TRANK1: variants seen among roughly 807,000 people sequenced by gnomAD.
TRANK1 encodes TPR and ankyrin repeat-containing protein 1.
In TRANK1, 198 loss-of-function variants were observed where a neutral mutation model predicts 266.0. The observed-to-expected ratio is 0.74, with a 90% confidence interval of 0.66 to 0.84. TRANK1 has a LOEUF of 0.84. Ranked by LOEUF, TRANK1 falls within the 40% of genes least tolerant of loss-of-function variation. The probability of loss-of-function intolerance (pLI) is 0.00; values close to 1 mark genes in which losing one functional copy is unlikely to be tolerated. For missense variants in TRANK1, 3,326 were observed against 3,634.6 expected (o/e 0.92, Z 2.18); for synonymous variants, 1,396 against 1,384.1 (o/e 1.01, Z -0.19).
Position 36,923,497 on chromosome 3 carries a change from C to T in TRANK1, c.24-15043G>A, listed in dbSNP as rs188617481. On this transcript the variant is annotated intron_variant, in intron 1 of 23. Transcript: ENST00000645898. The stretch of plus-strand genomic sequence containing the variant: ...TCTCGATCTCCTGACCTCAGGTGAT[C>T]CACCTGCCTCGGCATCCCAAAGTGC... Among the ~76,000 whole-genome samples, 21 of 152,238 alleles carry T rather than the reference C, an allele frequency of 1.4e-4. No homozygotes were observed. In the East Asian group the frequency reaches 4.1e-3, roughly 29 times the overall value.
Position 36,830,914 on chromosome 3 carries a change from TCCGAAAC to T in TRANK1, c.8662_8668del (p.Val2888IlefsTer19). 5.0e-6 allele frequency: 8 copies of T among 1,613,314 alleles called. No individual in the cohort carries two copies. Among genetic ancestry groups the T allele is most frequent in the Non-Finnish European group, 6.8e-6 (8 of 1,179,430 alleles). On this transcript the variant is annotated frameshift_variant, in exon 22 of 24. Coordinates refer to ENST00000645898, the MANE Select transcript of TRANK1 (RefSeq NM_001329998.2). LOFTEE classifies it high-confidence loss of function. ...CCGCCTGTAGAGGTCCTCCACCATATCCGAAACCCTCTTGATGTGCTCCTGGACCTTC... is the reference window on the plus strand; with the variant it reads ...CCGCCTGTAGAGGTCCTCCACCATATCCTCTTGATGTGCTCCTGGACCTTC...
intron 8 of TRANK1, among the ~76,000 whole-genome samples, chr3:36,881,080 A>G (rs2079525196): frequency 6.6e-6 from 1 of 151,936 alleles, no homozygotes; most frequent in Non-Finnish European, 1.5e-5. Flanking sequence ...CAAAAACATG[A>G]ACTTTCAATA....
intron 15 of TRANK1, among the ~76,000 whole-genome samples, chr3:36,848,128 A>G (rs1377944912): frequency 6.6e-6 from 1 of 152,204 alleles, no homozygotes; most frequent in Non-Finnish European, 1.5e-5. Context: ...GCAACTACTC[A>G]ATTCTGTCAT....
At chr3:36,901,621 G>C (rs2079884044) in intron 3 of TRANK1, among the ~76,000 whole-genome samples, 1 of 152,146 alleles carries the variant, frequency 6.6e-6, no homozygotes, top group South Asian at 2.1e-4. Context: ...TCGTTAATCT[G>C]TCTCTTGTCA....
rs1473163087 is a variant in TRANK1, at chr3:36,833,041, C to T, written c.6542G>A (p.Arg2181Gln). The T allele has an allele frequency of 3.1e-6, 5 of 1,612,818 alleles. No homozygotes were observed. The highest frequency in any genetic ancestry group is 4.5e-5 in the East Asian group (2 of 44,840). ...TCGGTAGGTCTTCCCAAGCAGGCTC[C>T]GTGTGATCTGACACAGCCTGCCCAA... The part of the protein sequence containing the change: ...HLLGRLCQIT[R>Q]SLLGKTYRGV... Residue 2181 changes from arginine (R) to glutamine (Q), a missense_variant, in exon 22 of 24, where the codon CGG (arginine) becomes CAG (glutamine). Arg to Gln is a conservative substitution (Grantham distance 43, BLOSUM62 1). Coordinates refer to ENST00000645898, the MANE Select transcript of TRANK1 (RefSeq NM_001329998.2).
chr3:36,868,164 C>T (rs983829466), intron 9 of TRANK1, among the ~76,000 whole-genome samples: 2 of 152,148 alleles, frequency 1.3e-5, no homozygotes, highest in African/African-American at 4.8e-5. Flanking sequence ...TTTTATTAAC[C>T]TTTCTTAAAT....
At position 36,831,309 on chromosome 3, in the gene TRANK1, G is replaced by A. The variant is rs777917385; in HGVS notation, c.8274C>T (p.Asn2758=). Residue 2758 remains asparagine (N), a synonymous_variant, in exon 22 of 24, where the codon AAC becomes AAT. Coordinates refer to ENST00000645898, the MANE Select transcript of TRANK1 (RefSeq NM_001329998.2). This position sits in a 1 kb window ranked among gnomAD's most constrained non-coding sequence, Gnocchi z 5.0. ...REEAREPRAG[N]FKKADVDRTQ... is the part of the protein sequence containing the mutation. Reference sequence around the variant, plus strand: ...TCCTGTCCACGTCTGCCTTTTTGAAGTTCCCAGCCCTGGGCTCCCTGGCCT... The same window carrying A: ...TCCTGTCCACGTCTGCCTTTTTGAAATTCCCAGCCCTGGGCTCCCTGGCCT... 1 of 1,613,464 alleles carries A rather than the reference G, an allele frequency of 6.2e-7. No homozygotes were observed. Among genetic ancestry groups the A allele is most frequent in the Non-Finnish European group, 8.5e-7 (1 of 1,179,840 alleles).
chr3:36,829,024 G>A (rs1455198982), intron 23 of TRANK1, among the ~76,000 whole-genome samples: 2 of 152,144 alleles, frequency 1.3e-5, no homozygotes, highest in African/African-American at 2.4e-5. Context: ...CATATAACTT[G>A]GCAAGATCAT....
At chr3:36,858,586 C>T in intron 12 of TRANK1, 132 bp downstream of exon 12, 2 of 1,057,988 alleles carry the variant, frequency 1.9e-6, no homozygotes, top group Non-Finnish European at 2.5e-6. Context: ...GTGACATGGG[C>T]AGGCCTGGCC....
chr3:36,906,110 T>C lies in TRANK1; in HGVS notation c.155+2213A>G, dbSNP rs540624246. Among the ~76,000 whole-genome samples, 6 of 152,320 alleles carry C rather than the reference T, an allele frequency of 3.9e-5. No homozygotes were observed. In the East Asian group the frequency reaches 1.2e-3, roughly 29 times the overall value. Reference sequence around the variant, plus strand: ...TTCTAAGAAAGCTGAATGTTTGCCTTGATCGAGGATCTCTAGACCCAGCTC... The same window carrying C: ...TTCTAAGAAAGCTGAATGTTTGCCTCGATCGAGGATCTCTAGACCCAGCTC... On this transcript the variant is annotated intron_variant, in intron 2 of 23. Transcript: ENST00000645898.
chr3:36,892,484 G>A (rs1325583680), intron 6 of TRANK1, 144 bp from the exon 7 acceptor site: 3 of 1,087,386 alleles, frequency 2.8e-6, no homozygotes, highest in Admixed American at 5.7e-5. Flanking sequence ...TAACAAATTT[G>A]TGGTAAGGCA....
intron 5 of TRANK1, among the ~76,000 whole-genome samples, chr3:36,893,479 A>G (rs1412360545): frequency 1.3e-5 from 2 of 152,194 alleles, no homozygotes; most frequent in Non-Finnish European, 2.9e-5. Context: ...GATGATGCAC[A>G]TCTCCTCCTA....
intron 8 of TRANK1, among the ~76,000 whole-genome samples, chr3:36,887,618 T>C (rs2079625896): frequency 6.6e-6 from 1 of 152,216 alleles, no homozygotes; most frequent in East Asian, 1.9e-4. Flanking sequence ...GACCTTCTTT[T>C]ATTTTTAAGC....
intron 13 of TRANK1, 139 bp downstream of exon 13, chr3:36,855,034 G>T: frequency 1.4e-6 from 1 of 724,306 alleles, no homozygotes; most frequent in Non-Finnish European, 2.2e-6. Flanking sequence ...TTGTCCATGA[G>T]CGTATTTACT....
At chr3:36,834,024 G>A in intron 21 of TRANK1, 105 bp from the exon 22 acceptor site, 1 of 1,161,042 alleles carries the variant, frequency 8.6e-7, no homozygotes, top group East Asian at 2.6e-5. Flanking sequence ...CCCACATGTA[G>A]ATATTACAAA....
Position 36,856,256 on chromosome 3 carries a change from G to C in TRANK1, c.3466C>G (p.Gln1156Glu). ...CCTCCTGCGCAGGCTTCATACTCCT[G>C]CTCATCTATGCTTTCTACTGTTTCC... Reference protein sequence around the residue: ...EVETVESIDEQEYEACAGGAG... With the variant: ...EVETVESIDEEEYEACAGGAG... The change falls in exon 13 of 24, where the codon CAG becomes GAG. Residue 1156 changes from glutamine to glutamate, a missense_variant. Physicochemically the swap from Gln to Glu is conservative, Grantham distance 29. Coordinates refer to ENST00000645898, the MANE Select transcript of TRANK1 (RefSeq NM_001329998.2). 6.2e-7 allele frequency: 1 copy of C among 1,609,538 alleles called. No homozygotes were observed. Among genetic ancestry groups the C allele is most frequent in the African/African-American group, 1.3e-5 (1 of 74,916 alleles).
In TRANK1 at chr3:36,856,591, G is replaced by A. The variant is rs779916114; in HGVS notation, c.3131C>T (p.Thr1044Met). The change falls in exon 13 of 24, where the codon ACG becomes ATG. Residue 1044 changes from threonine to methionine, a missense_variant. Physicochemically the swap from Thr to Met is moderately conservative, Grantham distance 81. Transcript: ENST00000645898. Reference sequence around the variant, plus strand: ...GAAGGGGTACTCCACTGTGGCTGTCGTGTCATTGAGGATGTTAAAGGCCAT... The same window carrying A: ...GAAGGGGTACTCCACTGTGGCTGTCATGTCATTGAGGATGTTAAAGGCCAT... ...TNMAFNILND[T>M]TATVEYPFRV... is the part of the protein sequence containing the mutation. 2.2e-5 allele frequency: 35 copies of A among 1,613,986 alleles called. No homozygotes were observed. The highest frequency in any genetic ancestry group is 9.3e-5 in the African/African-American group (7 of 75,052).
At chr3:36,944,327 C>G (rs1198787705) in intron 1 of TRANK1, among the ~76,000 whole-genome samples, 1 of 152,214 alleles carries the variant, frequency 6.6e-6, no homozygotes, top group Admixed American at 6.5e-5. Context: ...CCAAGTTCCC[C>G]GCAAATTCCG....
intron 1 of TRANK1, among the ~76,000 whole-genome samples, chr3:36,941,920 C>G (rs2080502188): frequency 6.6e-6 from 1 of 152,204 alleles, no homozygotes; most frequent in Admixed American, 6.5e-5. Flanking sequence ...CCCCACCTCC[C>G]CATCTGGAAA....
Sources: allele counts gnomAD v4.1 joint callset (sites outside exome capture counted in the v4.1 genomes callset), GRCh38; gene constraint gnomAD v4.1.1; non-coding constraint Gnocchi (gnomAD v3.1); transcripts MANE v1.5; gene names NCBI Gene and HGNC (gene_info 2026-07-23, HGNC 2026-07-21).